The following SPATA13 variants were observed in gnomAD, a reference collection of about 807,000 sequenced individuals.
SPATA13 encodes the protein spermatogenesis-associated protein 13.
SPATA13 carries 50 observed loss-of-function variants against 104.0 expected under a neutral mutation model. The ratio of observed to expected loss-of-function variants is 0.48; its 90% CI spans 0.38 to 0.61. SPATA13 has a LOEUF of 0.61. Among genes scored for constraint, SPATA13 ranks in the 20% least tolerant of loss-of-function variants. SPATA13 has a pLI of 0.00. For missense variants in SPATA13, 1,524 were observed against 1,690.6 expected (o/e 0.90, Z 1.73); for synonymous variants, 606 against 667.5 (o/e 0.91, Z 1.42).
At chr13:24,237,165 G>A (rs1284227891) in intron 2 of SPATA13, among the ~76,000 whole-genome samples, 2 of 152,092 alleles carry the variant, frequency 1.3e-5, no homozygotes, top group African/African-American at 2.4e-5. Context: ...AGACCAGCCT[G>A]GCCAACATGG....
intron 1 of SPATA13, among the ~76,000 whole-genome samples, chr13:24,198,951 C>CT (rs3067263): frequency 0.24 from 33,584 of 140,240 alleles, 4,223 homozygotes; most frequent in South Asian, 0.31. Context: ...ACTATAAAAT[C>CT]TTTTTTTTTT....
chr13:24,118,647 A>G (rs917014201), intron 3 of SPATA13, among the ~76,000 whole-genome samples: 4 of 152,070 alleles, frequency 2.6e-5, no homozygotes, highest in African/African-American at 7.2e-5. Context: ...GTTCCTGGTG[A>G]TGCTGGTGCA....
chr13:24,001,517 G>A, intron 2 of SPATA13, among the ~76,000 whole-genome samples: 1 of 152,026 alleles, frequency 6.6e-6, no homozygotes, highest in East Asian at 1.9e-4. Context: ...AGCTGGCGGG[G>A]AAAGGCAGGA....
chr13:24,040,332 G>A (rs902410615), intron 3 of SPATA13, among the ~76,000 whole-genome samples: 1 of 152,216 alleles, frequency 6.6e-6, no homozygotes, highest in South Asian at 2.1e-4. Context: ...TCAGTGGCTT[G>A]AGAAGTTTAA....
intron 2 of SPATA13, among the ~76,000 whole-genome samples, chr13:24,244,863 A>T (rs1873031089): frequency 6.6e-6 from 1 of 152,064 alleles, no homozygotes. Flanking sequence ...AAAATAAATA[A>T]ATAAAATAAA....
rs147613311 is a variant in SPATA13, at chr13:24,286,911, C to T, written c.2628C>T (p.Thr876=). The part of the protein sequence containing the change: ...RTNVIREIMD[T]ERVYIKHLRD... ...ACGTCATCCGGGAGATCATGGACAC[C>T]GAGCGGGTGTACATCAAACACCTCA... is the stretch of plus-strand genomic sequence containing the variant. The change falls in exon 7 of 13, where the codon ACC becomes ACT. Residue 876 remains threonine (T), a synonymous_variant. Transcript: ENST00000382108. The surrounding 1 kb of genome is among the most constrained non-coding windows in gnomAD (Gnocchi z 4.9). 3.5e-5 allele frequency: 56 copies of T among 1,613,682 alleles called. No individual in the cohort carries two copies. The highest frequency in any genetic ancestry group is 3.3e-4 in the Middle Eastern group (2 of 6,084).
Position 24,205,800 on chromosome 13 carries a change from C to A in SPATA13, c.-111-17019C>A, listed in dbSNP as rs979926168. On this transcript the variant is annotated intron_variant, in intron 1 of 12. Coordinates refer to ENST00000382108, the MANE Select transcript of SPATA13 (RefSeq NM_001166271.3). This position sits in a 1 kb window ranked among gnomAD's most constrained non-coding sequence, Gnocchi z 4.1. ...GATCACACACCTACAACTATCTGACCTTTGACAAACCTGACCAAAAACAAG... is the reference window on the plus strand; with the variant it reads ...GATCACACACCTACAACTATCTGACATTTGACAAACCTGACCAAAAACAAG... 6.6e-6 allele frequency among the ~76,000 whole-genome samples: 1 copy of A among 152,112 alleles called. No individual in the cohort carries two copies. Among genetic ancestry groups the A allele is most frequent in the Non-Finnish European group, 1.5e-5 (1 of 68,010 alleles).
At chr13:24,234,092 CT>C (rs1260025747) in intron 2 of SPATA13, among the ~76,000 whole-genome samples, 2 of 152,128 alleles carry the variant, frequency 1.3e-5, no homozygotes, top group African/African-American at 4.8e-5. Flanking sequence ...AATCATACCC[CT>C]ATACCTGCAC....
chr13:24,166,442 C>T (rs975980227), intron 1 of SPATA13, among the ~76,000 whole-genome samples: 1 of 152,110 alleles, frequency 6.6e-6, no homozygotes, highest in Non-Finnish European at 1.5e-5. Flanking sequence ...AAAGGAAAAC[C>T]TTCTAGCCCT....
chr13:24,177,362 AG>A (rs1450882267), intron 1 of SPATA13, among the ~76,000 whole-genome samples: 2 of 152,256 alleles, frequency 1.3e-5, no homozygotes, highest in African/African-American at 4.8e-5. Flanking sequence ...AGGAAGCCTA[AG>A]ACAGAGGTGC....
At chr13:24,254,032 G>A (rs1873652117) in intron 4 of SPATA13, among the ~76,000 whole-genome samples, 2 of 152,148 alleles carry the variant, frequency 1.3e-5, no homozygotes, top group South Asian at 2.1e-4. Context: ...AGTTTGTGGG[G>A]GGAAAGGAAG....
At chr13:24,150,597 C>A (rs1257665533) in intron 3 of SPATA13, among the ~76,000 whole-genome samples, 1 of 151,816 alleles carries the variant, frequency 6.6e-6, no homozygotes, top group Non-Finnish European at 1.5e-5. Context: ...GCTGGCAAGT[C>A]CAAAATTTGT....
At chr13:24,040,922 G>A (rs1019933823) in intron 3 of SPATA13, among the ~76,000 whole-genome samples, 1 of 152,212 alleles carries the variant, frequency 6.6e-6, no homozygotes, top group African/African-American at 2.4e-5. Context: ...TGCAGTTGCT[G>A]CCCACTGGGA....
chr13:24,005,275 T>C (rs1265159510), intron 2 of SPATA13, among the ~76,000 whole-genome samples: 2 of 152,226 alleles, frequency 1.3e-5, no homozygotes, highest in African/African-American at 4.8e-5. Flanking sequence ...TTACCGTGTT[T>C]GCTAAATCTG....
chr13:24,023,016 T>C (rs1266284828), intron 3 of SPATA13, among the ~76,000 whole-genome samples: 2 of 152,306 alleles, frequency 1.3e-5, no homozygotes, highest in Admixed American at 6.5e-5. Flanking sequence ...GGTATACATG[T>C]ACCATGCTGG....
At chr13:24,288,212 A>G (rs1876095835) in intron 7 of SPATA13, among the ~76,000 whole-genome samples, 1 of 152,212 alleles carries the variant, frequency 6.6e-6, no homozygotes, top group Non-Finnish European at 1.5e-5. Context: ...AGATGGGGAA[A>G]CAAAGGCACA....
intron 2 of SPATA13, among the ~76,000 whole-genome samples, chr13:23,984,948 G>A (rs552761535): frequency 8.5e-5 from 13 of 152,298 alleles, no homozygotes; most frequent in Non-Finnish European, 1.5e-4. Context: ...ACCGGCCGGC[G>A]TGCACATCAC....
chr13:24,156,624 T>A (rs1433145578), upstream of SPATA13, among the ~76,000 whole-genome samples: 2 of 152,232 alleles, frequency 1.3e-5, no homozygotes, highest in African/African-American at 4.8e-5. Flanking sequence ...GAGAGAGATC[T>A]GCTCTAGTAA....
intron 3 of SPATA13, among the ~76,000 whole-genome samples, chr13:24,078,484 C>G (rs1191407746): frequency 6.6e-6 from 1 of 152,172 alleles, no homozygotes; most frequent in Non-Finnish European, 1.5e-5. Flanking sequence ...CTAATTAAGA[C>G]ATACTTTTAG....
Sources: gnomAD v4.1 joint callset for allele counts (sites outside exome capture counted in the v4.1 genomes callset) on GRCh38, gnomAD v4.1.1 for gene constraint, Gnocchi (gnomAD v3.1) non-coding constraint, MANE v1.5 for transcripts, NCBI Gene and HGNC (gene_info 2026-07-23, HGNC 2026-07-21) for gene names.